Variants in B3GALT1 observed in about 807,000 individuals in gnomAD.
B3GALT1 encodes the protein beta-1,3-galactosyltransferase 1.
In B3GALT1, 10 loss-of-function variants were observed where a neutral mutation model predicts 23.2. The observed-to-expected ratio is 0.43, with a 90% CI of 0.27 to 0.73. B3GALT1 has a LOEUF of 0.73. Among genes scored for constraint, B3GALT1 ranks in the 30% least tolerant of loss-of-function variants. The pLI is 0.21. For missense variants in B3GALT1, 299 were observed against 405.4 expected (o/e 0.74, Z 2.25); for synonymous variants, 156 against 141.5 (o/e 1.10, Z -0.73).
chr2:167,481,838 C>G (rs1208284472), intron 1 of B3GALT1, among the ~76,000 whole-genome samples: 1 of 152,192 alleles, frequency 6.6e-6, no homozygotes, highest in East Asian at 1.9e-4. Context: ...AGAGAGCACT[C>G]TGTTACATGC....
intron 2 of B3GALT1, among the ~76,000 whole-genome samples, chr2:167,620,090 C>A (rs951493581): frequency 3.2e-4 from 48 of 152,096 alleles, no homozygotes; most frequent in African/African-American, 1.1e-3. Flanking sequence ...TCGCTGAGAT[C>A]TGATGGACAA....
intron 3 of B3GALT1, among the ~76,000 whole-genome samples, chr2:167,736,511 A>C (rs1174146968): frequency 1.3e-5 from 2 of 152,188 alleles, no homozygotes; most frequent in Non-Finnish European, 2.9e-5. Context: ...TCTATCCCTC[A>C]TGCAGAATTA....
chr2:167,742,532 G>T (rs1204248471), intron 3 of B3GALT1, among the ~76,000 whole-genome samples: 1 of 152,098 alleles, frequency 6.6e-6, no homozygotes, highest in Non-Finnish European at 1.5e-5. Context: ...CCAAAATATG[G>T]GTGTGTAGCG....
intron 3 of B3GALT1, among the ~76,000 whole-genome samples, chr2:167,763,558 G>A (rs1687927017): frequency 6.6e-6 from 1 of 151,888 alleles, no homozygotes; most frequent in Non-Finnish European, 1.5e-5. Context: ...CAGGTATGGT[G>A]GCACGCACCT....
intron 3 of B3GALT1, among the ~76,000 whole-genome samples, chr2:167,679,506 G>A (rs945193483): frequency 2.0e-5 from 3 of 152,260 alleles, no homozygotes; most frequent in East Asian, 1.9e-4. Context: ...CGCCCACCTC[G>A]GCCTCCCGAA....
chr2:167,301,480 G>A (rs1696444769), intron 1 of B3GALT1, among the ~76,000 whole-genome samples: 1 of 152,124 alleles, frequency 6.6e-6, no homozygotes, highest in Non-Finnish European at 1.5e-5. Context: ...TCATGACCAT[G>A]CCTTAGTCAG....
At chr2:167,468,141 A>G (rs1699374767) in intron 1 of B3GALT1, among the ~76,000 whole-genome samples, 1 of 152,148 alleles carries the variant, frequency 6.6e-6, no homozygotes, top group Non-Finnish European at 1.5e-5. Flanking sequence ...AATTCTATGG[A>G]CTACTAATGT....
At chr2:167,383,995 A>T (rs1357605) in intron 1 of B3GALT1, among the ~76,000 whole-genome samples, 19 of 152,216 alleles carry the variant, frequency 1.2e-4, no homozygotes, top group Non-Finnish European at 2.5e-4. Context: ...AATGCAAACT[A>T]TTTGCACATA....
At chr2:167,368,932 G>A (rs563715419) in intron 1 of B3GALT1, among the ~76,000 whole-genome samples, 1 of 152,132 alleles carries the variant, frequency 6.6e-6, no homozygotes, top group Non-Finnish European at 1.5e-5. Flanking sequence ...TAGATGGGAT[G>A]TAATAATAGC....
intron 1 of B3GALT1, among the ~76,000 whole-genome samples, chr2:167,438,807 C>A (rs1435155170): frequency 1.3e-5 from 2 of 152,184 alleles, no homozygotes; most frequent in African/African-American, 4.8e-5. Flanking sequence ...TTTTCCCCAC[C>A]ACATTTCAAA....
intron 3 of B3GALT1, among the ~76,000 whole-genome samples, chr2:167,768,727 A>G (rs1001735693): frequency 5.1e-4 from 77 of 152,340 alleles, no homozygotes; most frequent in African/African-American, 1.8e-3. Context: ...CATCGTCACC[A>G]AAAACTCACG....
At position 167,325,273 on chromosome 2, in the gene B3GALT1, T is replaced by C. The variant is rs1696875381; in HGVS notation, c.-511+31939T>C. ...GTTCTTGCATTGCTATGGAGAAATA[T>C]CTGAGACTAGGTAATTTATAAGGAA... On this transcript the variant is annotated intron_variant, in intron 1 of 4. Coordinates refer to ENST00000392690, the MANE Select transcript of B3GALT1 (RefSeq NM_020981.4). Among the ~76,000 whole-genome samples the C allele has an allele frequency of 4.6e-5, 7 of 152,006 alleles. No homozygotes were observed. In the South Asian group the frequency reaches 1.5e-3, roughly 32 times the overall value.
chr2:167,668,787 A>G (rs1288220176), intron 3 of B3GALT1, among the ~76,000 whole-genome samples: 3 of 152,178 alleles, frequency 2.0e-5, no homozygotes, highest in Non-Finnish European at 4.4e-5. Flanking sequence ...GAGTGAGGCA[A>G]TGCCTCGCCC....
chr2:167,774,478 T>TTTGTTTTGTTTTG (rs1375218907), intron 3 of B3GALT1, among the ~76,000 whole-genome samples: 2 of 118,620 alleles, frequency 1.7e-5, no homozygotes, highest in Non-Finnish European at 1.6e-5. Flanking sequence ...ATTGGTTTTT[T>TTTGTTTTGTTTTG]TTTTTTGTTT....
intron 3 of B3GALT1, among the ~76,000 whole-genome samples, chr2:167,699,624 A>G (rs1199804766): frequency 6.6e-6 from 1 of 152,152 alleles, no homozygotes; most frequent in Non-Finnish European, 1.5e-5. Context: ...ACTTTTAGTT[A>G]TTATAGCATC....
rs535411019 is a variant in B3GALT1, at chr2:167,614,394, C to A, written c.-409-32515C>A. On this transcript the variant is annotated intron_variant, in intron 2 of 4. Transcript: ENST00000392690. ...AAAACTACAAAATCATGAGGACAGA[C>A]ATTAGAAAACAAAACTGAATGGAAA... 5.3e-5 allele frequency among the ~76,000 whole-genome samples: 8 copies of A among 150,836 alleles called. No homozygotes were observed. The East Asian group carries it at 1.6e-3, about 29-fold the overall frequency.
chr2:167,519,382 C>T (rs1045174409), intron 2 of B3GALT1, among the ~76,000 whole-genome samples: 9 of 150,938 alleles, frequency 6.0e-5, no homozygotes, highest in Non-Finnish European at 1.3e-4. Context: ...AAAACACATT[C>T]ATTTAGATAC....
At chr2:167,857,372 G>C (rs1009570454) in intron 4 of B3GALT1, among the ~76,000 whole-genome samples, 3 of 152,064 alleles carry the variant, frequency 2.0e-5, no homozygotes, top group Admixed American at 1.3e-4. Context: ...GCCTGAAAGA[G>C]TTTCAAGAGC....
intron 1 of B3GALT1, among the ~76,000 whole-genome samples, chr2:167,426,945 AAAC>A (rs1217662804): frequency 6.6e-6 from 1 of 152,242 alleles, no homozygotes; most frequent in Admixed American, 6.5e-5. Context: ...AATATATCCC[AAAC>A]TGGATTCAAC....
Sources: allele counts gnomAD v4.1 joint callset (sites outside exome capture counted in the v4.1 genomes callset), GRCh38; gene constraint gnomAD v4.1.1; transcripts MANE v1.5; gene names NCBI Gene and HGNC (gene_info 2026-07-23, HGNC 2026-07-21).